ATG7: variants seen among roughly 807,000 people sequenced by gnomAD.
ATG7 encodes autophagy related 7.
Under a neutral mutation model 82.4 loss-of-function variants are expected in ATG7, and 70 were observed. The observed-to-expected ratio is 0.85, with a 90% CI of 0.70 to 1.04. ATG7 has a LOEUF of 1.04. ATG7 is among the 50% of genes least tolerant of loss of function. ATG7 has a pLI of 0.00. For synonymous variants in ATG7, 287 were observed against 313.0 expected, an observed-to-expected ratio of 0.92 and a Z score of 0.88; for missense variants, 792 against 864.3, an observed-to-expected ratio of 0.92 and a Z score of 1.05.
chr3:11,417,219 C>A (rs998055895), intron 19 of ATG7, among the ~76,000 whole-genome samples: 1 of 152,156 alleles, frequency 6.6e-6, no homozygotes, highest in Non-Finnish European at 1.5e-5. Context: ...AGTTCAAGTG[C>A]GTCCTTTTTA....
intron 20 of ATG7, among the ~76,000 whole-genome samples, chr3:11,474,218 A>G (rs1339416341): frequency 6.6e-6 from 1 of 152,244 alleles, no homozygotes; most frequent in African/African-American, 2.4e-5. Flanking sequence ...CAGACAAGGC[A>G]GGGCCTCTGT....
chr3:11,331,352 G>A lies in ATG7; in HGVS notation c.691G>A (p.Val231Ile), dbSNP rs761428083. 1 of 1,613,212 alleles carries A rather than the reference G, an allele frequency of 6.2e-7. No homozygotes were observed. The highest frequency in any genetic ancestry group is 1.7e-5 in the Admixed American group (1 of 60,022). ...QGQRTKITIG[V>I]YDPCNLAQYP... is the part of the protein sequence containing the mutation. The stretch of plus-strand genomic sequence containing the variant: ...TTTTTGTTCACAGATAACAATTGGT[G>A]TATATGATCCCTGTAACTTAGCCCA... Residue 231 changes from valine (V) to isoleucine (I), a missense_variant, in exon 10 of 21, where the codon GTA becomes ATA. Transcript: ENST00000693202.
At chr3:11,398,682 G>C (rs894620948) in intron 19 of ATG7, among the ~76,000 whole-genome samples, 2 of 152,034 alleles carry the variant, frequency 1.3e-5, no homozygotes, top group African/African-American at 4.8e-5. Flanking sequence ...GCAAGACCCC[G>C]TCTCTACAGA....
intron 20 of ATG7, among the ~76,000 whole-genome samples, chr3:11,513,301 T>G (rs531873605): frequency 1.3e-5 from 2 of 152,294 alleles, no homozygotes; most frequent in East Asian, 3.9e-4. Flanking sequence ...CAGGGGGCGG[T>G]GCTCGTTGGG....
At chr3:11,510,111 T>C (rs753172091) in intron 20 of ATG7, 13 of 377,420 alleles carry the variant, frequency 3.4e-5, no homozygotes, top group African/African-American at 2.5e-4. Flanking sequence ...CCAGCTGGTG[T>C]CTGCAGAAAT....
intron 20 of ATG7, among the ~76,000 whole-genome samples, chr3:11,544,067 G>A (rs1428160697): frequency 1.3e-5 from 2 of 152,236 alleles, no homozygotes; most frequent in African/African-American, 4.8e-5. Context: ...CCTTCAGGCT[G>A]CTCATCTGCC....
At chr3:11,437,756 G>A (rs2083492971) in intron 20 of ATG7, among the ~76,000 whole-genome samples, 1 of 152,134 alleles carries the variant, frequency 6.6e-6, no homozygotes, top group African/African-American at 2.4e-5. Context: ...ATATATACTT[G>A]CTCGTTTTCT....
intron 19 of ATG7, among the ~76,000 whole-genome samples, chr3:11,397,811 G>A (rs1350103506): frequency 1.3e-5 from 2 of 148,334 alleles, no homozygotes; most frequent in Non-Finnish European, 3.0e-5. Flanking sequence ...GGCTGGGCGC[G>A]GTGGCTCACA....
chr3:11,344,238 C>G (rs1954129904), intron 13 of ATG7, among the ~76,000 whole-genome samples: 1 of 152,122 alleles, frequency 6.6e-6, no homozygotes, highest in Non-Finnish European at 1.5e-5. Flanking sequence ...TTATATCTTC[C>G]TTTTCCTTGT....
At chr3:11,429,389 G>A (rs1202859621) in intron 20 of ATG7, among the ~76,000 whole-genome samples, 4 of 152,056 alleles carry the variant, frequency 2.6e-5, no homozygotes, top group East Asian at 3.9e-4. Context: ...CCAGTTACTC[G>A]GGAGGCTGAG....
At chr3:11,573,323 GAAAGA>G in the ATG7 span, among the ~76,000 whole-genome samples, 192 of 34,448 alleles carry the variant, frequency 5.6e-3, 7 homozygotes, top group Admixed American at 0.015. Flanking sequence ...AAGGAAGAAA[GAAAGA>G]AAGAAAGAAA....
intron 18 of ATG7, among the ~76,000 whole-genome samples, chr3:11,376,561 C>G (rs546026339): frequency 6.6e-5 from 10 of 152,112 alleles, no homozygotes; most frequent in African/African-American, 2.4e-4. Flanking sequence ...CAGAATTCAG[C>G]ATGAGGCAAG....
chr3:11,389,744 G>A (rs1001118063), intron 19 of ATG7, among the ~76,000 whole-genome samples: 1 of 152,192 alleles, frequency 6.6e-6, no homozygotes, highest in African/African-American at 2.4e-5. Context: ...AGCCTCCCAC[G>A]AGGACTACTG....
intron 20 of ATG7, among the ~76,000 whole-genome samples, chr3:11,554,410 C>T (rs2072178060): frequency 6.6e-6 from 1 of 152,164 alleles, no homozygotes; most frequent in Non-Finnish European, 1.5e-5. Flanking sequence ...TGCCAGAATT[C>T]CTGCCCTCAG....
At chr3:11,283,600 C>T (rs1291624703) in intron 3 of ATG7, among the ~76,000 whole-genome samples, 1 of 152,112 alleles carries the variant, frequency 6.6e-6, no homozygotes, top group Non-Finnish European at 1.5e-5. Context: ...GACTGCATTA[C>T]ATTACCTCTC....
intron 20 of ATG7, among the ~76,000 whole-genome samples, chr3:11,501,683 T>C (rs1416340515): frequency 6.6e-6 from 1 of 152,164 alleles, no homozygotes; most frequent in Admixed American, 6.6e-5. Flanking sequence ...AGTATCATGA[T>C]GTCTGCAATA....
intron 18 of ATG7, among the ~76,000 whole-genome samples, chr3:11,378,706 A>AAAAAAC (rs1559501467): frequency 6.7e-6 from 1 of 149,988 alleles, no homozygotes; most frequent in African/African-American, 2.5e-5. Context: ...AAAAAAAAAA[A>AAAAAAC]AAATTGCTGT....
intron 17 of ATG7, 63 bp from the exon 18 acceptor site, chr3:11,364,596 G>T: frequency 6.4e-7 from 1 of 1,551,692 alleles, no homozygotes; most frequent in Non-Finnish European, 8.9e-7. Flanking sequence ...ATTTCTGCTA[G>T]ATCATCCTCC....
In ATG7 at chr3:11,347,867, T is replaced by C; in HGVS notation, c.1126-10T>C. The stretch of plus-strand genomic sequence containing the variant: ...TCAGAAACACACCATGATCTCCTGT[T>C]TCCACACAGGGTTGGGGCGTGAGAC... On this transcript the variant is annotated splice_polypyrimidine_tract_variant and intron_variant, in intron 13 of 20. Transcript: ENST00000693202. 2 of 1,611,158 alleles carry C rather than the reference T, an allele frequency of 1.2e-6. No individual in the cohort carries two copies. Among genetic ancestry groups the C allele is most frequent in the Non-Finnish European group, 1.7e-6 (2 of 1,178,166 alleles).
Sources: gnomAD v4.1 joint callset for allele counts (sites outside exome capture counted in the v4.1 genomes callset) on GRCh38, gnomAD v4.1.1 for gene constraint, MANE v1.5 for transcripts, NCBI Gene and HGNC (gene_info 2026-07-23, HGNC 2026-07-21) for gene names.